Variants in CACNB2 observed in about 807,000 individuals in gnomAD.
CACNB2 encodes calcium voltage-gated channel auxiliary subunit beta 2.
In CACNB2, 42 loss-of-function variants were observed where a neutral mutation model predicts 73.3. The observed-to-expected ratio is 0.57, with a 90% CI of 0.45 to 0.74. The LOEUF is 0.74. Among genes scored for constraint, CACNB2 ranks in the 30% least tolerant of loss-of-function variants. The probability of loss-of-function intolerance (pLI) is 0.00; values close to 1 mark genes in which losing one functional copy is unlikely to be tolerated. For synonymous variants in CACNB2, 348 were observed against 310.3 expected, an observed-to-expected ratio of 1.12 and a Z score of -1.28; for missense variants, 940 against 853.0, an observed-to-expected ratio of 1.10 and a Z score of -1.27.
At chr10:18,340,154 G>A (rs2041172456) in intron 2 of CACNB2, among the ~76,000 whole-genome samples, 1 of 152,194 alleles carries the variant, frequency 6.6e-6, no homozygotes. Flanking sequence ...CTATTTCCTG[G>A]ATAGTAATAC....
At chr10:18,384,991 A>G (rs2043164674) in intron 2 of CACNB2, among the ~76,000 whole-genome samples, 1 of 152,022 alleles carries the variant, frequency 6.6e-6, no homozygotes, top group Admixed American at 6.6e-5. Flanking sequence ...TGAAAAGAAC[A>G]GTTGCCGGCT....
At chr10:18,341,500 C>T (rs939945356) in intron 2 of CACNB2, among the ~76,000 whole-genome samples, 3 of 152,158 alleles carry the variant, frequency 2.0e-5, no homozygotes, top group Non-Finnish European at 4.4e-5. Context: ...CACACGAGGA[C>T]TGACTGTTTG....
At chr10:18,217,396 A>T (rs950939918) in intron 2 of CACNB2, among the ~76,000 whole-genome samples, 1 of 152,094 alleles carries the variant, frequency 6.6e-6, no homozygotes, top group South Asian at 2.1e-4. Flanking sequence ...AGGCAGGAGA[A>T]TCACTTGAAT....
At chr10:18,378,822 A>G (rs2042903516) in intron 2 of CACNB2, among the ~76,000 whole-genome samples, 1 of 152,126 alleles carries the variant, frequency 6.6e-6, no homozygotes, top group Non-Finnish European at 1.5e-5. Context: ...GGGGTTCTGA[A>G]AGGGGCTCTT....
At chr10:18,290,172 C>T (rs1262719317) in intron 2 of CACNB2, among the ~76,000 whole-genome samples, 2 of 120,310 alleles carry the variant, frequency 1.7e-5, no homozygotes, top group East Asian at 2.5e-4. Flanking sequence ...GGACTATAAG[C>T]GCGCGCCACC....
At chr10:18,517,048 A>G (rs1405680416) in intron 7 of CACNB2, among the ~76,000 whole-genome samples, 1 of 152,230 alleles carries the variant, frequency 6.6e-6, no homozygotes, top group African/African-American at 2.4e-5. Flanking sequence ...ATGAAGCCAG[A>G]AAAGTTTGTA....
chr10:18,407,107 G>GTTTTTTTTTTTTTTTTTTTTTTT (rs1293331753), intron 3 of CACNB2, among the ~76,000 whole-genome samples: 1 of 49,564 alleles, frequency 2.0e-5, no homozygotes, highest in Admixed American at 2.2e-4. Context: ...CTGCTGTTCT[G>GTTTTTTTTTTTTTTTTTTTTTTT]TCTTTTTTTT....
At chr10:18,391,925 CA>C (rs34698093) in intron 2 of CACNB2, among the ~76,000 whole-genome samples, 9,922 of 84,228 alleles carry the variant, frequency 0.12, 214 homozygotes, top group African/African-American at 0.17. Context: ...AAGACCCTGT[CA>C]AAAAAAAAAA....
intron 2 of CACNB2, among the ~76,000 whole-genome samples, chr10:18,294,420 C>A (rs1467986405): frequency 6.6e-6 from 1 of 152,244 alleles, no homozygotes; most frequent in Non-Finnish European, 1.5e-5. Flanking sequence ...CAGAGTGCCT[C>A]TTCTATGATC....
chr10:18,530,311 C>T (rs558982152), intron 10 of CACNB2, among the ~76,000 whole-genome samples: 1 of 152,006 alleles, frequency 6.6e-6, no homozygotes, highest in Non-Finnish European at 1.5e-5. Flanking sequence ...CCCAGGGACA[C>T]AAAAGTGAAG....
chr10:18,463,699 A>G (rs2047709823), intron 3 of CACNB2, among the ~76,000 whole-genome samples: 1 of 151,608 alleles, frequency 6.6e-6, no homozygotes, highest in South Asian at 2.1e-4. Context: ...CTCCCAAAGC[A>G]GGATTAGAGG....
intron 3 of CACNB2, among the ~76,000 whole-genome samples, chr10:18,446,429 G>A (rs1199219129): frequency 6.6e-6 from 1 of 152,114 alleles, no homozygotes; most frequent in South Asian, 2.1e-4. Context: ...GCAATACTTG[G>A]GCAGTAAGTA....
At chr10:18,483,952 G>A (rs537238993) in intron 3 of CACNB2, among the ~76,000 whole-genome samples, 14 of 152,284 alleles carry the variant, frequency 9.2e-5, no homozygotes, top group South Asian at 2.1e-4. Flanking sequence ...TGACAAAAGC[G>A]AAAACAACTC....
At chr10:18,350,288 T>C (rs1416783681) in intron 2 of CACNB2, among the ~76,000 whole-genome samples, 1 of 152,078 alleles carries the variant, frequency 6.6e-6, no homozygotes, top group Non-Finnish European at 1.5e-5. Flanking sequence ...ATAATAATTC[T>C]CATAACAACC....
chr10:18,295,563 T>C (rs903324218), intron 2 of CACNB2, among the ~76,000 whole-genome samples: 2 of 152,218 alleles, frequency 1.3e-5, no homozygotes, highest in African/African-American at 4.8e-5. Flanking sequence ...TTGTATATGG[T>C]ACATTTCATT....
chr10:18,340,978 G>T (rs1027654921), intron 2 of CACNB2: 2 of 1,613,968 alleles, frequency 1.2e-6, no homozygotes, highest in African/African-American at 2.7e-5. Flanking sequence ...TATTCCTGGG[G>T]TAAGCATACG....
intron 2 of CACNB2, among the ~76,000 whole-genome samples, chr10:18,388,915 C>A (rs1290358361): frequency 6.6e-6 from 1 of 152,102 alleles, no homozygotes. Flanking sequence ...TCCTTGCCTC[C>A]CTTCCCCATA....
intron 2 of CACNB2, among the ~76,000 whole-genome samples, chr10:18,256,022 T>C (rs2037272884): frequency 6.6e-6 from 1 of 152,204 alleles, no homozygotes; most frequent in East Asian, 1.9e-4. Context: ...TTAATCCTCA[T>C]ACTTTCAAAA....
At chr10:18,163,061 G>A (rs1472070654) in intron 2 of CACNB2, among the ~76,000 whole-genome samples, 5 of 152,130 alleles carry the variant, frequency 3.3e-5, no homozygotes, top group Non-Finnish European at 5.9e-5. Context: ...ATGAAGCAGT[G>A]TGCCGGAGGG....
Sources: allele counts gnomAD v4.1 joint callset (sites outside exome capture counted in the v4.1 genomes callset), GRCh38; gene constraint gnomAD v4.1.1; transcripts MANE v1.5; gene names NCBI Gene and HGNC (gene_info 2026-07-23, HGNC 2026-07-21).